The following MERTK variants were observed in gnomAD, a reference collection of about 807,000 sequenced individuals.
MERTK encodes the protein tyrosine-protein kinase Mer.
Under a neutral mutation model 99.3 loss-of-function variants are expected in MERTK, and 69 were observed. That is an observed-to-expected ratio of 0.70 (90% CI 0.57 to 0.85). MERTK has a LOEUF of 0.85. Among genes scored for constraint, MERTK ranks in the 40% least tolerant of loss-of-function variants. The pLI is 0.00. For missense variants in MERTK, 1,125 were observed against 1,249.4 expected (o/e 0.90, Z 1.50); for synonymous variants, 426 against 467.6 (o/e 0.91, Z 1.15).
At chr2:111,976,522 CTGTGTGTGTGTGTGTGTG>C (rs70962971) in intron 7 of MERTK, among the ~76,000 whole-genome samples, 23 of 136,790 alleles carry the variant, frequency 1.7e-4, no homozygotes, top group East Asian at 4.5e-4. Context: ...TGACAAAAAC[CTGTGTGTGTGTGTGTGTG>C]TGTGTGTGTG....
chr2:111,953,065 G>A (rs1379867477), intron 4 of MERTK, among the ~76,000 whole-genome samples: 1 of 152,160 alleles, frequency 6.6e-6, no homozygotes, highest in Non-Finnish European at 1.5e-5. Context: ...GAACATGGTA[G>A]TTGTAGAAAT....
chr2:111,945,821 G>A (rs1684952031), intron 3 of MERTK, among the ~76,000 whole-genome samples: 1 of 152,228 alleles, frequency 6.6e-6, no homozygotes, highest in African/African-American at 2.4e-5. Flanking sequence ...CACCCTCAGA[G>A]GTCACTCCTC....
intron 2 of MERTK, 31 bp from the exon 3 acceptor site, chr2:111,944,929 T>C (rs760496832): frequency 1.9e-6 from 3 of 1,576,806 alleles, no homozygotes; most frequent in Non-Finnish European, 1.7e-6. Flanking sequence ...GGGTAGTCAC[T>C]GTAAATATCT....
At chr2:111,947,693 A>C in intron 4 of MERTK, 126 bp downstream of exon 4, 1 of 1,125,540 alleles carries the variant, frequency 8.9e-7, no homozygotes, top group East Asian at 2.4e-5. Context: ...GTGGCAGCAA[A>C]GTTATGGGAC....
intron 13 of MERTK, among the ~76,000 whole-genome samples, chr2:112,007,316 G>A (rs1315846230): frequency 2.0e-5 from 3 of 152,054 alleles, no homozygotes; most frequent in Non-Finnish European, 4.4e-5. Context: ...CACCACGCCC[G>A]CCTAATTTTT....
At chr2:111,950,305 T>C (rs2104707159) in intron 4 of MERTK, among the ~76,000 whole-genome samples, 1 of 152,340 alleles carries the variant, frequency 6.6e-6, no homozygotes, top group African/African-American at 2.4e-5. Flanking sequence ...TATCCATTTG[T>C]TTGGTAAACA....
At chr2:111,965,521 C>T (rs550014797) in intron 5 of MERTK, among the ~76,000 whole-genome samples, 2 of 152,320 alleles carry the variant, frequency 1.3e-5, no homozygotes, top group South Asian at 2.1e-4. Flanking sequence ...CTCAGAAGTG[C>T]CTGGCATATA....
intron 1 of MERTK, among the ~76,000 whole-genome samples, chr2:111,914,373 G>T (rs2311813): frequency 0.48 from 72,187 of 151,938 alleles, 17,830 homozygotes; most frequent in South Asian, 0.56. Flanking sequence ...TGCCTCCCGG[G>T]TTCATGCCAT....
chr2:111,941,629 C>T (rs936849014), intron 2 of MERTK, among the ~76,000 whole-genome samples: 3 of 152,164 alleles, frequency 2.0e-5, no homozygotes, highest in Non-Finnish European at 4.4e-5. Context: ...GACAGCCCCT[C>T]CAGTCTCCAG....
chr2:111,914,044 T>C (rs1249551461), intron 1 of MERTK, among the ~76,000 whole-genome samples: 2 of 151,966 alleles, frequency 1.3e-5, no homozygotes, highest in East Asian at 1.9e-4. Flanking sequence ...ATTTTTTTTT[T>C]CAGATCTTTA....
chr2:111,940,574 C>T (rs1485957271), intron 2 of MERTK: 3 of 635,898 alleles, frequency 4.7e-6, no homozygotes, highest in Non-Finnish European at 9.2e-6. Flanking sequence ...ATTTGAATTG[C>T]CTTAAGCATT....
chr2:112,024,679 A>G (rs1368768346), intron 18 of MERTK, among the ~76,000 whole-genome samples: 3 of 152,210 alleles, frequency 2.0e-5, no homozygotes, highest in African/African-American at 7.2e-5. Flanking sequence ...CTGTAATCCT[A>G]GCACTTTGGG....
intron 5 of MERTK, among the ~76,000 whole-genome samples, 180 bp from the exon 6 acceptor site, chr2:111,967,957 C>T (rs1168999839): frequency 1.3e-5 from 2 of 152,084 alleles, no homozygotes; most frequent in Non-Finnish European, 2.9e-5. Flanking sequence ...CTTCTTTGGC[C>T]CATCCATAGG....
chr2:111,985,558 G>A (rs181879391), intron 8 of MERTK, among the ~76,000 whole-genome samples: 99 of 152,268 alleles, frequency 6.5e-4, no homozygotes, highest in Middle Eastern at 6.8e-3. Context: ...ACATACCTGA[G>A]ACTAGGTAAT....
At chr2:112,009,073 G>T (rs1050256434) in intron 14 of MERTK, among the ~76,000 whole-genome samples, 49 of 152,202 alleles carry the variant, frequency 3.2e-4, no homozygotes, top group Non-Finnish European at 4.6e-4. Context: ...CAAGAGAGAA[G>T]AGTAACCTGG....
At chr2:111,992,522 GCAGGTGGATCGC>G (rs1428795429) in intron 8 of MERTK, among the ~76,000 whole-genome samples, 1 of 152,110 alleles carries the variant, frequency 6.6e-6, no homozygotes, top group Non-Finnish European at 1.5e-5. Flanking sequence ...GGAGGCTGAG[GCAGGTGGATCGC>G]CAGGTCAAGA....
chr2:112,028,072 A>G (rs1044592190), intron 18 of MERTK: 6 of 466,698 alleles, frequency 1.3e-5, no homozygotes, highest in African/African-American at 2.0e-5. Context: ...CCGCCGCCAT[A>G]TAAAGAAAGA....
Position 111,968,245 on chromosome 2 carries a change from G to A in MERTK, c.953G>A (p.Ser318Asn). Residue 318 changes from serine (S) to asparagine (N), a missense_variant, in exon 6 of 19, where the codon AGC becomes AAC. By Grantham distance (46) the Ser-to-Asn change is conservative (BLOSUM62 1). Coordinates refer to ENST00000295408, the MANE Select transcript of MERTK (RefSeq NM_006343.3). The part of the protein sequence containing the change: ...FDGYSPFRNC[S>N]IQVKEADPLS... ...GGATACTCCCCGTTCAGGAATTGCA[G>A]CATTCAGGTAAAGTTCCAGGGTGAA... 2 of 1,611,900 alleles carry A rather than the reference G, an allele frequency of 1.2e-6. No homozygotes were observed. Among genetic ancestry groups the A allele is most frequent in the South Asian group, 2.2e-5 (2 of 91,032 alleles).
intron 7 of MERTK, among the ~76,000 whole-genome samples, chr2:111,976,027 C>T (rs2104734636): frequency 6.6e-6 from 1 of 151,024 alleles, no homozygotes; most frequent in South Asian, 2.1e-4. Flanking sequence ...TTTCCCATGA[C>T]CTCAGCTTTG....
Sources: gnomAD v4.1 joint callset for allele counts (sites outside exome capture counted in the v4.1 genomes callset) on GRCh38, gnomAD v4.1.1 for gene constraint, MANE v1.5 for transcripts, NCBI Gene and HGNC (gene_info 2026-07-23, HGNC 2026-07-21) for gene names.